ASTN2: variants seen among roughly 807,000 people sequenced by gnomAD.
ASTN2 encodes the protein astrotactin-2.
A neutral mutation model predicts 139.8 loss-of-function variants in ASTN2; 54 were observed. The observed-to-expected ratio is 0.39, with a 90% confidence interval of 0.31 to 0.48. ASTN2 has a LOEUF of 0.48. Ranked by LOEUF, ASTN2 falls within the 20% of genes least tolerant of loss-of-function variation. ASTN2 has a pLI of 0.95. For synonymous variants in ASTN2, 756 were observed against 719.5 expected (o/e 1.05, Z -0.81); for missense variants, 1,565 against 1,725.1 (o/e 0.91, Z 1.64).
intron 1 of ASTN2, among the ~76,000 whole-genome samples, chr9:117,323,241 G>A (rs935180309): frequency 6.6e-6 from 1 of 152,056 alleles, no homozygotes; most frequent in South Asian, 2.1e-4. Context: ...AAAATTGTCT[G>A]CATTAAACTG....
intron 13 of ASTN2, among the ~76,000 whole-genome samples, chr9:116,752,333 A>AG (rs1829422313): frequency 6.6e-6 from 1 of 152,216 alleles, no homozygotes; most frequent in Non-Finnish European, 1.5e-5. Flanking sequence ...AGAAGAAGAA[A>AG]AACAGACAAA....
chr9:116,801,464 AG>A lies in ASTN2; in HGVS notation c.2396+4167del, dbSNP rs550384763. Among the ~76,000 whole-genome samples the A allele has an allele frequency of 5.1e-3, 776 of 151,872 alleles. 2 individuals carry two copies. The highest frequency in any genetic ancestry group is 0.017 in the African/African-American group (700 of 41,420). ...AGGTGTGGTGTGTGCCTGTAATCCC[AG>A]CTACTTGGGAGGCTGAGGCAGGAGA... On this transcript the variant is annotated intron_variant, in intron 13 of 22. Coordinates refer to ENST00000313400, the MANE Select transcript of ASTN2 (RefSeq NM_001365068.1).
At chr9:116,889,050 A>T (rs192274232) in intron 10 of ASTN2, among the ~76,000 whole-genome samples, 30 of 152,138 alleles carry the variant, frequency 2.0e-4, no homozygotes, top group African/African-American at 6.5e-4. Flanking sequence ...AACACCCTTA[A>T]TTTTTGTATT....
At chr9:117,103,976 T>G (rs1327632466) in intron 4 of ASTN2, among the ~76,000 whole-genome samples, 1 of 116,006 alleles carries the variant, frequency 8.6e-6, no homozygotes, top group African/African-American at 3.0e-5. Flanking sequence ...ATCAGGCACC[T>G]GCTATAGGCC....
intron 16 of ASTN2, chr9:116,686,852 G>GATC: frequency 1.3e-6 from 2 of 1,549,304 alleles, no homozygotes; most frequent in Non-Finnish European, 1.7e-6. Flanking sequence ...CACAGAACAT[G>GATC]AGGCCAAAGC....
At chr9:117,178,482 C>T (rs1166537253) in intron 3 of ASTN2, among the ~76,000 whole-genome samples, 1 of 152,106 alleles carries the variant, frequency 6.6e-6, no homozygotes, top group African/African-American at 2.4e-5. Context: ...ACTTAAGGAC[C>T]AGAGATATAT....
intron 19 of ASTN2, among the ~76,000 whole-genome samples, chr9:116,541,735 C>A (rs1226132569): frequency 6.6e-6 from 1 of 152,210 alleles, no homozygotes; most frequent in Non-Finnish European, 1.5e-5. Flanking sequence ...CTAATAACTT[C>A]TCAGATTCTG....
At chr9:116,681,945 C>T (rs1298926288) in intron 16 of ASTN2, among the ~76,000 whole-genome samples, 1 of 151,510 alleles carries the variant, frequency 6.6e-6, no homozygotes, top group Non-Finnish European at 1.5e-5. Context: ...TAGGCATTAC[C>T]ATTCAGGACA....
intron 18 of ASTN2, among the ~76,000 whole-genome samples, chr9:116,619,685 G>A (rs535232343): frequency 2.2e-5 from 3 of 135,018 alleles, no homozygotes; most frequent in South Asian, 2.5e-4. Context: ...CACCACACGG[G>A]CTATTTTTTT....
intron 3 of ASTN2, among the ~76,000 whole-genome samples, chr9:117,208,389 T>C (rs1175372663): frequency 6.7e-6 from 1 of 150,106 alleles, no homozygotes; most frequent in South Asian, 2.1e-4. Flanking sequence ...GCTTCAACAA[T>C]AGACTAGGGC....
intron 6 of ASTN2, among the ~76,000 whole-genome samples, chr9:117,016,638 A>ATGT (rs1837700936): frequency 1.2e-4 from 4 of 33,258 alleles, no homozygotes; most frequent in South Asian, 7.7e-4. Flanking sequence ...ATATATATAT[A>ATGT]TATATATATA....
At chr9:117,038,061 C>T (rs747614077) in intron 6 of ASTN2, among the ~76,000 whole-genome samples, 14 of 152,096 alleles carry the variant, frequency 9.2e-5, no homozygotes, top group Admixed American at 2.0e-4. Flanking sequence ...AACTGATTTG[C>T]AGTCCAAGTG....
chr9:117,282,982 G>GTTT lies in ASTN2; in HGVS notation c.630+8341_630+8343dup, dbSNP rs202218410. Among the ~76,000 whole-genome samples the GTTT allele has an allele frequency of 1.0e-3, 131 of 130,940 alleles. 1 individual carries two copies. Among genetic ancestry groups the GTTT allele is most frequent in the African/African-American group, 4.1e-3 (129 of 31,122 alleles). The allele number at this position is 130,940 out of a possible 152,430, so 85.9% of individuals were successfully genotyped here. A position where few individuals can be genotyped will look rare whatever the true frequency, so the allele number is the denominator to read the frequency against. On this transcript the variant is annotated intron_variant, in intron 2 of 22. Transcript: ENST00000313400. ...TCCCACTATATTTCATACTTCTACT[G>GTTT]TTTTTTTTTTTTTTTGGAAACTCTT...
chr9:116,810,968 A>G (rs1831149645), intron 12 of ASTN2, among the ~76,000 whole-genome samples: 1 of 152,074 alleles, frequency 6.6e-6, no homozygotes, highest in Non-Finnish European at 1.5e-5. Flanking sequence ...AGACTTTCAC[A>G]TGTATTGGTG....
intron 21 of ASTN2, among the ~76,000 whole-genome samples, chr9:116,441,335 A>G (rs1287080375): frequency 6.6e-6 from 1 of 151,968 alleles, no homozygotes; most frequent in African/African-American, 2.4e-5. Context: ...TCAATACATC[A>G]TGAGTAGAAG....
chr9:117,397,505 C>T (rs1452592937), intron 1 of ASTN2, among the ~76,000 whole-genome samples: 2 of 152,100 alleles, frequency 1.3e-5, no homozygotes, highest in African/African-American at 4.8e-5. Flanking sequence ...TTTAATGAAA[C>T]CAACACTGGA....
chr9:116,437,922 A>G (rs1847710344), intron 22 of ASTN2, among the ~76,000 whole-genome samples: 2 of 152,184 alleles, frequency 1.3e-5, no homozygotes, highest in African/African-American at 4.8e-5. Flanking sequence ...AGAGCCTCAA[A>G]TTCTTGGAGG....
chr9:116,707,956 C>T (rs764742679), intron 16 of ASTN2, among the ~76,000 whole-genome samples: 36 of 152,146 alleles, frequency 2.4e-4, no homozygotes, highest in Non-Finnish European at 5.1e-4. Context: ...CCATAGCACC[C>T]ATTAACTTAA....
chr9:117,140,741 T>G (rs1423250514), intron 4 of ASTN2, among the ~76,000 whole-genome samples: 1 of 152,098 alleles, frequency 6.6e-6, no homozygotes, highest in Non-Finnish European at 1.5e-5. Flanking sequence ...TATCTGCTTT[T>G]TAATAAATGC....
Sources: allele counts gnomAD v4.1 joint callset (sites outside exome capture counted in the v4.1 genomes callset), GRCh38; gene constraint gnomAD v4.1.1; transcripts MANE v1.5; gene names NCBI Gene and HGNC (gene_info 2026-07-23, HGNC 2026-07-21).